The following DHX34 variants were observed in gnomAD, a reference collection of about 807,000 sequenced individuals.
DHX34 encodes probable ATP-dependent RNA helicase DHX34.
In DHX34, 96 loss-of-function variants were observed where a neutral mutation model predicts 111.1. That is an observed-to-expected ratio of 0.86 (90% CI 0.73 to 1.02). DHX34 has a LOEUF of 1.02. Among genes scored for constraint, DHX34 ranks in the 50% least tolerant of loss-of-function variants. The probability of loss-of-function intolerance (pLI) is 0.00; values close to 1 mark genes in which losing one functional copy is unlikely to be tolerated. For synonymous variants in DHX34, 688 were observed against 670.4 expected (o/e 1.03, Z -0.41); for missense variants, 1,560 against 1,579.9 (o/e 0.99, Z 0.21).
In DHX34 at chr19:47,380,835, G is replaced by A. The variant is rs202114364; in HGVS notation, c.3002G>A (p.Arg1001Gln). 328 of 1,613,792 alleles carry A rather than the reference G, an allele frequency of 2.0e-4. No homozygotes were observed. Among genetic ancestry groups the A allele is most frequent in the Middle Eastern group, 3.3e-4 (2 of 6,058 alleles). The change falls in exon 15 of 17, where the codon CGG becomes CAG. Residue 1001 changes from arginine to glutamine, a missense_variant. Coordinates refer to ENST00000328771, the MANE Select transcript of DHX34 (RefSeq NM_014681.6). ...CCTTAGATTCCTTACAGCCTCCGGC[G>A]GCTCACAGGGCTAGAAGTCCAGAAC... ...TASKIPYSLR[R>Q]LTGLEVQNMY... is the part of the protein sequence containing the mutation.
rs370847090 is a variant in DHX34, at chr19:47,379,985, G to T, written c.2982G>T (p.Lys994Asn). The T allele has an allele frequency of 6.3e-7, 1 of 1,579,286 alleles. No homozygotes were observed. Among genetic ancestry groups the T allele is most frequent in the Non-Finnish European group, 8.7e-7 (1 of 1,154,424 alleles). The stretch of plus-strand genomic sequence containing the variant: ...AACTCCTGCAATTCACGGCATCCAA[G>T]GTACCCTCCACCAGGGTGCCCGTGC... Reference protein sequence around the residue: ...SKELLQFTASKIPYSLRRLTG... With the variant: ...SKELLQFTASNIPYSLRRLTG... The change falls in exon 14 of 17, where the codon AAG (lysine) becomes AAT (asparagine). Residue 994 changes from lysine to asparagine, a missense_variant and splice_region_variant. Physicochemically the swap from Lys to Asn is moderately conservative, Grantham distance 94 (BLOSUM62 0). Transcript: ENST00000328771.
intron 13 of DHX34, among the ~76,000 whole-genome samples, chr19:47,377,477 C>CT (rs1219327444): frequency 6.6e-6 from 1 of 152,190 alleles, no homozygotes; most frequent in African/African-American, 2.4e-5. Context: ...CCCCTGCCCT[C>CT]TCGGGCTCTA....
At chr19:47,359,849 T>C in intron 4 of DHX34, 119 bp from the exon 5 acceptor site, 1 of 1,551,836 alleles carries the variant, frequency 6.4e-7, no homozygotes, top group Non-Finnish European at 8.7e-7. Context: ...AAAAGGGAGG[T>C]CTCTGAAGGA....
intron 7 of DHX34, 52 bp from the exon 8 acceptor site, chr19:47,372,678 G>C (rs946081149): frequency 6.6e-7 from 1 of 1,516,592 alleles, no homozygotes; most frequent in Admixed American, 2.0e-5. Context: ...AGGGGTGAGG[G>C]CTGCGCCTGT....
At position 47,375,590 on chromosome 19, in the gene DHX34, A is replaced by AGGGCGCG. The variant is rs1478575675; in HGVS notation, c.2196_2202dup (p.Arg735GlyfsTer19). On this transcript the variant is annotated frameshift_variant, in exon 10 of 17. Transcript: ENST00000328771. LOFTEE classifies it high-confidence loss of function. ...CACCAGCTGAAACGCCAGCACGAGG[A>AGGGCGCG]GGGCGCGGGGCGCAGGCGCAAGGTG... The AGGGCGCG allele has an allele frequency of 1.3e-6, 2 of 1,546,890 alleles. No individual in the cohort carries two copies. The highest frequency in any genetic ancestry group is 1.7e-6 in the Non-Finnish European group (2 of 1,149,668).
rs1054918842 is a variant in DHX34, at chr19:47,353,433, C to T, written c.403C>T (p.Arg135Ter). 10 of 1,614,084 alleles carry T rather than the reference C, an allele frequency of 6.2e-6. No individual in the cohort carries two copies. Among genetic ancestry groups the T allele is most frequent in the African/African-American group, 2.7e-5 (2 of 74,942 alleles). ...LPAERVAEFR[R>*]ALLHYLDFGQ... ...CGCGGAGAGAGTGGCTGAGTTCCGC[C>T]GAGCCCTGTTGCACTACCTGGACTT... The change falls in exon 2 of 17, where the codon CGA (arginine) becomes TGA (stop). Residue 135 changes from arginine (R) to a stop codon, truncating the protein, a stop_gained. Transcript: ENST00000328771. LOFTEE classifies it high-confidence loss of function. The surrounding 1 kb of genome is among the most constrained non-coding windows in gnomAD (Gnocchi z 4.6).
At chr19:47,375,302 G>A (rs1970101357) in intron 9 of DHX34, 164 bp from the exon 10 acceptor site, 1 of 985,342 alleles carries the variant, frequency 1.0e-6, no homozygotes, top group Admixed American at 6.1e-5. Context: ...AGCGAGGACA[G>A]CTCTCTCTCT....
intron 7 of DHX34, among the ~76,000 whole-genome samples, chr19:47,368,019 G>A (rs1969845768): frequency 1.3e-5 from 2 of 151,454 alleles, no homozygotes; most frequent in South Asian, 4.1e-4. Flanking sequence ...ATTTTTGCAA[G>A]ATTTTATGTT....
At chr19:47,371,478 C>T (rs1052838839) in intron 7 of DHX34, among the ~76,000 whole-genome samples, 1 of 152,172 alleles carries the variant, frequency 6.6e-6, no homozygotes, top group African/African-American at 2.4e-5. Flanking sequence ...AGCGTCACGG[C>T]GAGGTGGGGC....
chr19:47,381,454 G>T, intron 16 of DHX34, 130 bp downstream of exon 16: 1 of 1,340,438 alleles, frequency 7.5e-7, no homozygotes, highest in Non-Finnish European at 1.0e-6. Context: ...GGCCCTGGCT[G>T]GTGCCACACA....
rs1970351841 is a variant in DHX34, at chr19:47,381,329, G to A, written c.3298+5G>A. The stretch of plus-strand genomic sequence containing the variant: ...CCCCACAGGATGGGCCCCCAGGTAA[G>A]CACAGGACTGTGGGGACCCGGCCAC... On this transcript the variant is annotated splice_donor_5th_base_variant and intron_variant, in intron 16 of 16. Transcript: ENST00000328771. 5 of 1,612,038 alleles carry A rather than the reference G, an allele frequency of 3.1e-6. No individual in the cohort carries two copies. The highest frequency in any genetic ancestry group is 1.3e-5 in the African/African-American group (1 of 75,028).
Position 47,362,541 on chromosome 19 carries a change from A to G in DHX34, c.1441A>G (p.Ser481Gly). The G allele has an allele frequency of 6.2e-7, 1 of 1,611,270 alleles. No homozygotes were observed. Among genetic ancestry groups the G allele is most frequent in the Non-Finnish European group, 8.5e-7 (1 of 1,178,714 alleles). Residue 481 changes from serine (S) to glycine (G), a missense_variant, in exon 6 of 17, where the codon AGT becomes GGT. Transcript: ENST00000328771. ...GCAACGGCTGCAGGAGTTCTGGATT[A>G]GTCAGGCCAGCGCAGAGCAGCGGAA... ...KLQRLQEFWISQASAEQRKGR... is the reference protein window; with the variant it reads ...KLQRLQEFWIGQASAEQRKGR...
Position 47,379,727 on chromosome 19 carries a change from C to T in DHX34, c.2724C>T (p.Ser908=), listed in dbSNP as rs780733450. The T allele has an allele frequency of 3.8e-5, 60 of 1,598,232 alleles. No homozygotes were observed. Among genetic ancestry groups the T allele is most frequent in the Admixed American group, 5.0e-5 (3 of 59,698 alleles). The change falls in exon 14 of 17, where the codon AGC becomes AGT. Residue 908 remains serine (S), a synonymous_variant. Coordinates refer to ENST00000328771, the MANE Select transcript of DHX34 (RefSeq NM_014681.6). ...IPALQSLLLF[S]RSLDTNGDCS... ...TCTTTCAGTCCCTCCTGCTTTTTAG[C>T]CGGTCTTTGGACACCAATGGTGACT...
In DHX34 at chr19:47,373,717, G is replaced by A; in HGVS notation, c.2064+17G>A. 6.2e-7 allele frequency: 1 copy of A among 1,610,758 alleles called. No individual in the cohort carries two copies. The highest frequency in any genetic ancestry group is 8.5e-7 in the Non-Finnish European group (1 of 1,178,522). The stretch of plus-strand genomic sequence containing the variant: ...CAGTTCAAGGTGAGGCTCGGGAGGA[G>A]GGGTAAGGCCGGCCCCACTCAGGCA... On this transcript the variant is annotated intron_variant, in intron 9 of 16. Coordinates refer to ENST00000328771, the MANE Select transcript of DHX34 (RefSeq NM_014681.6).
chr19:47,381,781 C>A, intron 16 of DHX34, 199 bp from the exon 17 acceptor site: 1 of 869,230 alleles, frequency 1.2e-6, no homozygotes, highest in Non-Finnish European at 1.4e-6. Context: ...TTCTCTCTGT[C>A]TCTCTCACTG....
Position 47,379,637 on chromosome 19 carries a change from C to G in DHX34, c.2707-73C>G, listed in dbSNP as rs1488267330. 14 of 1,514,416 alleles carry G rather than the reference C, an allele frequency of 9.2e-6. No homozygotes were observed. The Admixed American group carries it at 2.0e-4, about 22-fold the overall frequency. The allele number at this position is 1,514,416 out of a possible 1,614,324, so 93.8% of individuals were successfully genotyped here. A position where few individuals can be genotyped will look rare whatever the true frequency, so the allele number is the denominator to read the frequency against. ...GGCTGGTGGGTGGGCAGGAGCCCAG[C>G]CGGGCAGGGCCTGTCTCCAATAGCG... On this transcript the variant is annotated intron_variant, in intron 13 of 16. Coordinates refer to ENST00000328771, the MANE Select transcript of DHX34 (RefSeq NM_014681.6).
At position 47,352,926 on chromosome 19, in the gene DHX34, T is replaced by A; in HGVS notation, c.-105T>A. The stretch of plus-strand genomic sequence containing the variant: ...AATTAGCTCTTTGAAGAGAAAGTAG[T>A]TCTCTATTGCAGGCACTGGCCTCTT... On this transcript the variant is annotated 5_prime_UTR_variant, in exon 2 of 17. Transcript: ENST00000328771. 6.8e-7 allele frequency: 1 copy of A among 1,460,170 alleles called. No individual in the cohort carries two copies. The highest frequency in any genetic ancestry group is 1.5e-5 in the South Asian group (1 of 67,910). The allele number at this position is 1,460,170 out of a possible 1,614,324, so 90.5% of individuals were successfully genotyped here.
intron 6 of DHX34, among the ~76,000 whole-genome samples, chr19:47,366,195 T>A (rs1363757497): frequency 6.6e-6 from 1 of 152,234 alleles, no homozygotes; most frequent in African/African-American, 2.4e-5. Flanking sequence ...TGGGGCAAGA[T>A]GTGCTAGGCA....
Position 47,382,009 on chromosome 19 carries a change from C to T in DHX34, c.3328C>T (p.Gln1110Ter), listed in dbSNP as rs1970377841. The stretch of plus-strand genomic sequence containing the variant: ...TGAGGAAGCTGCCCTCGAAACCCTC[C>T]AGAAGACATCTGTCCTGCAGAGGCC... ...GAEEAALETL[Q>*]KTSVLQRPYH... is the part of the protein sequence containing the mutation. Residue 1110 changes from glutamine (Q) to a stop codon, truncating the protein, a stop_gained, in exon 17 of 17, where the codon CAG becomes TAG. Transcript: ENST00000328771. LOFTEE classifies it high-confidence loss of function. 6.2e-7 allele frequency: 1 copy of T among 1,613,964 alleles called. No homozygotes were observed.
Sources: gnomAD v4.1 joint callset for allele counts (sites outside exome capture counted in the v4.1 genomes callset) on GRCh38, gnomAD v4.1.1 for gene constraint, Gnocchi (gnomAD v3.1) non-coding constraint, MANE v1.5 for transcripts, NCBI Gene and HGNC (gene_info 2026-07-23, HGNC 2026-07-21) for gene names.